The following SPOCK3 variants were observed in gnomAD, a reference collection of about 807,000 sequenced individuals.
SPOCK3 encodes SPARC (osteonectin), cwcv and kazal like domains proteoglycan 3, also known as testican-3.
A neutral mutation model predicts 56.6 loss-of-function variants in SPOCK3; 30 were observed. The ratio of observed to expected loss-of-function variants is 0.53; its 90% CI spans 0.40 to 0.72. The LOEUF (loss-of-function observed/expected upper bound fraction) is 0.72, where lower values mean the gene tolerates loss of function less well. SPOCK3 is among the 30% of genes least tolerant of loss of function. The probability of loss-of-function intolerance (pLI) is 0.00; values close to 1 mark genes in which losing one functional copy is unlikely to be tolerated. For synonymous variants in SPOCK3, 196 were observed against 183.3 expected (o/e 1.07, Z -0.56); for missense variants, 527 against 530.0 (o/e 0.99, Z 0.06).
intron 6 of SPOCK3, among the ~76,000 whole-genome samples, chr4:166,874,707 T>G (rs950698723): frequency 6.6e-6 from 1 of 152,158 alleles, no homozygotes; most frequent in Non-Finnish European, 1.5e-5. Context: ...AATAGAAGAC[T>G]TTATGATAAT....
At chr4:166,738,985 A>T (rs1056867360) in intron 9 of SPOCK3, among the ~76,000 whole-genome samples, 5 of 152,210 alleles carry the variant, frequency 3.3e-5, no homozygotes, top group Middle Eastern at 3.4e-3. Flanking sequence ...GTATATACCC[A>T]GTAATGGGAT....
chr4:167,194,593 C>T (rs1402566948), intron 2 of SPOCK3, among the ~76,000 whole-genome samples: 3 of 152,148 alleles, frequency 2.0e-5, no homozygotes, highest in Non-Finnish European at 4.4e-5. Flanking sequence ...AGGTAAAGAC[C>T]TTTTCCTGTT....
chr4:166,853,117 A>G lies in SPOCK3; in HGVS notation c.589+36013T>C, dbSNP rs368030214. Among the ~76,000 whole-genome samples, 95 of 152,316 alleles carry G rather than the reference A, an allele frequency of 6.2e-4. 2 individuals are homozygous for G. The highest frequency in any genetic ancestry group is 2.0e-3 in the African/African-American group (85 of 41,582). On this transcript the variant is annotated intron_variant, in intron 6 of 10. Coordinates refer to ENST00000357545, the MANE Select transcript of SPOCK3 (RefSeq NM_001040159.2). ...AAATTACAAATTCTCAAAGGAAAAAATCTAAAATTTGATGTCACATTTAAA... is the reference window on the plus strand; with the variant it reads ...AAATTACAAATTCTCAAAGGAAAAAGTCTAAAATTTGATGTCACATTTAAA...
chr4:167,191,672 G>GTT (rs199805527), intron 2 of SPOCK3, among the ~76,000 whole-genome samples: 1 of 143,146 alleles, frequency 7.0e-6, no homozygotes, highest in African/African-American at 2.7e-5. Flanking sequence ...AGTTCTGACA[G>GTT]TTTTTTTTTG....
At chr4:166,829,720 CAGAT>C (rs1745838857) in intron 6 of SPOCK3, among the ~76,000 whole-genome samples, 1 of 152,038 alleles carries the variant, frequency 6.6e-6, no homozygotes, top group East Asian at 1.9e-4. Flanking sequence ...ATCTACGTCT[CAGAT>C]AGATAATATT....
At chr4:166,830,817 G>A (rs1400543469) in intron 6 of SPOCK3, among the ~76,000 whole-genome samples, 1 of 152,066 alleles carries the variant, frequency 6.6e-6, no homozygotes, top group African/African-American at 2.4e-5. Flanking sequence ...TGATCAACAA[G>A]GTAGGACCAA....
At chr4:166,805,580 C>A (rs1300914192) in intron 6 of SPOCK3, among the ~76,000 whole-genome samples, 2 of 151,982 alleles carry the variant, frequency 1.3e-5, no homozygotes, top group Non-Finnish European at 2.9e-5. Context: ...AGACAGTAAT[C>A]AAAAAATGCA....
chr4:166,736,655 AT>A (rs1401850052), intron 10 of SPOCK3, among the ~76,000 whole-genome samples: 1 of 151,920 alleles, frequency 6.6e-6, no homozygotes, highest in East Asian at 1.9e-4. Context: ...TTTTATTCTC[AT>A]TTTTGATCAT....
chr4:167,127,131 ATATGT>A (rs1369665838), intron 2 of SPOCK3, among the ~76,000 whole-genome samples: 2 of 152,150 alleles, frequency 1.3e-5, no homozygotes, highest in African/African-American at 4.8e-5. Context: ...TTAAAAGGAG[ATATGT>A]TATAAAGGTT....
chr4:167,038,831 C>G (rs1752999081), intron 3 of SPOCK3, among the ~76,000 whole-genome samples: 1 of 151,980 alleles, frequency 6.6e-6, no homozygotes. Context: ...AAAATCAAAA[C>G]TAGGCATTCA....
At chr4:167,058,034 G>A (rs1009751822) in intron 3 of SPOCK3, among the ~76,000 whole-genome samples, 2 of 152,064 alleles carry the variant, frequency 1.3e-5, no homozygotes, top group Non-Finnish European at 2.9e-5. Flanking sequence ...CACATACTTT[G>A]AAGTAAAGCT....
intron 4 of SPOCK3, among the ~76,000 whole-genome samples, chr4:166,913,318 A>C (rs1487486559): frequency 1.3e-5 from 2 of 152,168 alleles, no homozygotes; most frequent in South Asian, 2.1e-4. Flanking sequence ...TTGATACAGA[A>C]TAACTGGAAA....
At chr4:167,113,659 T>G (rs1761096175) in intron 2 of SPOCK3, among the ~76,000 whole-genome samples, 1 of 152,038 alleles carries the variant, frequency 6.6e-6, no homozygotes, top group Non-Finnish European at 1.5e-5. Flanking sequence ...ATGCCAAGTT[T>G]CAAGCAACAG....
At chr4:166,950,551 C>A (rs1437220301) in intron 4 of SPOCK3, among the ~76,000 whole-genome samples, 5 of 151,726 alleles carry the variant, frequency 3.3e-5, no homozygotes, top group Admixed American at 1.3e-4. Context: ...ACAAGAATAC[C>A]CAGGAATTGA....
intron 2 of SPOCK3, among the ~76,000 whole-genome samples, chr4:167,126,356 T>C (rs1762278322): frequency 6.8e-6 from 1 of 146,192 alleles, no homozygotes; most frequent in Non-Finnish European, 1.5e-5. Context: ...GAGACCAGCC[T>C]GGCCAACTTG....
At chr4:166,877,431 A>G (rs926980852) in intron 6 of SPOCK3, among the ~76,000 whole-genome samples, 11 of 152,192 alleles carry the variant, frequency 7.2e-5, no homozygotes, top group African/African-American at 2.2e-4. Context: ...ATTACAGAAA[A>G]TAAAAGCAAT....
At chr4:166,963,655 A>T (rs994902812) in intron 4 of SPOCK3, among the ~76,000 whole-genome samples, 20 of 151,962 alleles carry the variant, frequency 1.3e-4, no homozygotes, top group African/African-American at 3.6e-4. Context: ...TAAAAAAACA[A>T]ATTAAAATTT....
intron 2 of SPOCK3, among the ~76,000 whole-genome samples, chr4:167,171,533 T>C (rs1346862824): frequency 1.3e-5 from 2 of 152,150 alleles, no homozygotes; most frequent in African/African-American, 2.4e-5. Context: ...ATATTTACAA[T>C]CATTAGATAA....
chr4:167,100,992 T>C (rs1759589490), intron 2 of SPOCK3, among the ~76,000 whole-genome samples: 1 of 152,132 alleles, frequency 6.6e-6, no homozygotes, highest in Admixed American at 6.6e-5. Context: ...AACCCATGCA[T>C]GGTAATTCAT....
Sources: allele counts gnomAD v4.1 joint callset (sites outside exome capture counted in the v4.1 genomes callset), GRCh38; gene constraint gnomAD v4.1.1; transcripts MANE v1.5; gene names NCBI Gene and HGNC (gene_info 2026-07-23, HGNC 2026-07-21).